The following CPNE4 variants were observed in gnomAD, a reference collection of about 807,000 sequenced individuals.
CPNE4 encodes the protein copine-4.
In CPNE4, 25 loss-of-function variants were observed where a neutral mutation model predicts 67.9. The ratio of observed to expected loss-of-function variants is 0.37; its 90% CI spans 0.27 to 0.51. CPNE4 has a LOEUF of 0.51. Among genes scored for constraint, CPNE4 ranks in the 20% least tolerant of loss-of-function variants. The probability of loss-of-function intolerance (pLI) is 0.93; values close to 1 mark genes in which losing one functional copy is unlikely to be tolerated. For synonymous variants in CPNE4, 242 were observed against 244.9 expected (o/e 0.99, Z 0.11); for missense variants, 464 against 690.8 (o/e 0.67, Z 3.68).
chr3:132,020,841 G>A (rs764608684), intron 1 of CPNE4, among the ~76,000 whole-genome samples: 20 of 152,138 alleles, frequency 1.3e-4, no homozygotes, highest in Non-Finnish European at 1.9e-4. Flanking sequence ...AATTGCACCC[G>A]CACACGAGGA....
intron 1 of CPNE4, among the ~76,000 whole-genome samples, chr3:131,944,720 A>AT (rs2071499464): frequency 2.0e-5 from 3 of 152,218 alleles, no homozygotes; most frequent in South Asian, 2.1e-4. Flanking sequence ...TTACATCTTA[A>AT]TTTTTTTACT....
At chr3:131,792,696 C>CACGTGTATATATGTATAT (rs1560322840) in intron 2 of CPNE4, among the ~76,000 whole-genome samples, 2 of 44,536 alleles carry the variant, frequency 4.5e-5, no homozygotes, top group African/African-American at 8.4e-5. Context: ...TGTATATATA[C>CACGTGTATATATGTATAT]ATATACACAC....
chr3:131,683,126 A>G (rs989186001), intron 6 of CPNE4, among the ~76,000 whole-genome samples: 6 of 152,146 alleles, frequency 3.9e-5, no homozygotes, highest in African/African-American at 2.4e-5. Flanking sequence ...TTGCTGCTCT[A>G]TCTCACTGTG....
intron 1 of CPNE4, among the ~76,000 whole-genome samples, chr3:131,981,106 C>T (rs538805644): frequency 6.6e-6 from 1 of 152,144 alleles, no homozygotes; most frequent in East Asian, 1.9e-4. Context: ...GTGGGGGATG[C>T]AATGGACTCT....
intron 10 of CPNE4, among the ~76,000 whole-genome samples, chr3:131,564,704 C>T (rs1279674363): frequency 6.6e-6 from 1 of 152,006 alleles, no homozygotes; most frequent in Non-Finnish European, 1.5e-5. Context: ...TAAGAAAAGA[C>T]TTCTACACTC....
intron 15 of CPNE4, among the ~76,000 whole-genome samples, chr3:131,537,884 A>G (rs1935249384): frequency 6.6e-6 from 1 of 152,206 alleles, no homozygotes. Flanking sequence ...TTCTATTTGT[A>G]TAATCCAGGG....
At chr3:131,615,763 TC>T (rs1940099310) in intron 7 of CPNE4, among the ~76,000 whole-genome samples, 1 of 152,024 alleles carries the variant, frequency 6.6e-6, no homozygotes, top group Non-Finnish European at 1.5e-5. Flanking sequence ...ATGCCCATAA[TC>T]CCAGCTACTC....
chr3:131,916,292 G>T (rs1484658669), intron 1 of CPNE4, among the ~76,000 whole-genome samples: 2 of 150,300 alleles, frequency 1.3e-5, no homozygotes, highest in Non-Finnish European at 2.9e-5. Context: ...TTCCACTAGG[G>T]TCACGTTAAC....
chr3:131,886,217 T>C (rs550484685), intron 2 of CPNE4, among the ~76,000 whole-genome samples: 2 of 152,214 alleles, frequency 1.3e-5, no homozygotes, highest in Non-Finnish European at 2.9e-5. Context: ...CAGCCGTGGC[T>C]GAAAGGGGCC....
intron 7 of CPNE4, among the ~76,000 whole-genome samples, chr3:131,591,822 G>A (rs1938548056): frequency 6.6e-6 from 1 of 152,140 alleles, no homozygotes; most frequent in South Asian, 2.1e-4. Context: ...GCTGACAGAG[G>A]AACGCATCTT....
At chr3:131,743,180 G>A (rs1198691742) in intron 2 of CPNE4, among the ~76,000 whole-genome samples, 1 of 152,080 alleles carries the variant, frequency 6.6e-6, no homozygotes, top group Admixed American at 6.6e-5. Context: ...CTTTTCCAAT[G>A]GGAAATAATT....
intron 2 of CPNE4, among the ~76,000 whole-genome samples, chr3:131,848,022 T>C (rs1010941469): frequency 2.0e-5 from 3 of 152,184 alleles, no homozygotes; most frequent in Admixed American, 2.0e-4. Flanking sequence ...GTATGTCCAC[T>C]TTTTGTCAGA....
intron 7 of CPNE4, among the ~76,000 whole-genome samples, chr3:131,620,032 C>T (rs1349661166): frequency 6.6e-6 from 1 of 152,098 alleles, no homozygotes; most frequent in African/African-American, 2.4e-5. Flanking sequence ...CAAAATCCTC[C>T]TCTAATTGGG....
intron 7 of CPNE4, among the ~76,000 whole-genome samples, chr3:131,641,614 A>G (rs1041115866): frequency 2.6e-5 from 4 of 152,232 alleles, no homozygotes; most frequent in African/African-American, 9.6e-5. Flanking sequence ...GAGATTCCTT[A>G]AAGAACTAAA....
At chr3:131,536,127 T>A (rs1935132499) in intron 15 of CPNE4, among the ~76,000 whole-genome samples, 1 of 152,058 alleles carries the variant, frequency 6.6e-6, no homozygotes, top group Non-Finnish European at 1.5e-5. Context: ...AGTTGCAGGA[T>A]TGGTTGGGCA....
At chr3:131,747,146 GTTGT>G (rs2082511365) in intron 2 of CPNE4, among the ~76,000 whole-genome samples, 1 of 144,306 alleles carries the variant, frequency 6.9e-6, no homozygotes, top group Non-Finnish European at 1.5e-5. Flanking sequence ...TTGTTGTTGA[GTTGT>G]TTGAGTTCTT....
chr3:131,792,708 C>T (rs866767097), intron 2 of CPNE4, among the ~76,000 whole-genome samples: 3,146 of 67,066 alleles, frequency 0.047, 629 homozygotes, highest in Non-Finnish European at 0.067. Context: ...TATACACACA[C>T]GTGTATATAT....
chr3:131,828,108 C>T (rs141865732), intron 2 of CPNE4, among the ~76,000 whole-genome samples: 1 of 152,210 alleles, frequency 6.6e-6, no homozygotes, highest in East Asian at 1.9e-4. Context: ...CATTGTATTG[C>T]TTAGAGTCTA....
At chr3:131,748,056 G>A (rs2082535643) in intron 2 of CPNE4, among the ~76,000 whole-genome samples, 1 of 151,964 alleles carries the variant, frequency 6.6e-6, no homozygotes, top group Admixed American at 6.6e-5. Context: ...TTTTGTCATA[G>A]ATGGATATTA....
Sources: allele counts gnomAD v4.1 joint callset (sites outside exome capture counted in the v4.1 genomes callset), GRCh38; gene constraint gnomAD v4.1.1; transcripts MANE v1.5; gene names NCBI Gene and HGNC (gene_info 2026-07-23, HGNC 2026-07-21).